Variants in SPCS2 observed in about 807,000 individuals in gnomAD.
SPCS2 encodes signal peptidase complex subunit 2, also known as SPase 25 kDa subunit.
SPCS2 carries 3 observed loss-of-function variants against 22.3 expected under a neutral mutation model. The ratio of observed to expected loss-of-function variants is 0.13; its 90% CI spans 0.06 to 0.35. The LOEUF (loss-of-function observed/expected upper bound fraction) is 0.35, where lower values mean the gene tolerates loss of function less well. Among genes scored for constraint, SPCS2 ranks in the 10% least tolerant of loss-of-function variants. The probability of loss-of-function intolerance (pLI) is 1.00; values close to 1 mark genes in which losing one functional copy is unlikely to be tolerated. For synonymous variants in SPCS2, 67 were observed against 97.2 expected, an observed-to-expected ratio of 0.69 and a Z score of 1.83; for missense variants, 169 against 280.9, an observed-to-expected ratio of 0.60 and a Z score of 2.85.
chr11:74,949,290 C>G lies in SPCS2; in HGVS notation c.5C>G (p.Ala2Gly), dbSNP rs754474538. The G allele has an allele frequency of 6.5e-7, 1 of 1,537,266 alleles. No individual in the cohort carries two copies. Among genetic ancestry groups the G allele is most frequent in the Non-Finnish European group, 8.8e-7 (1 of 1,141,346 alleles). ...GGAGACGCAGAGGCGGACAAGATGG[C>G]GGCGGCAGCTGTACAGGGCGGGAGA... M[A>G]AAAVQGGRSG... is the part of the protein sequence containing the mutation. The change falls in exon 1 of 5, where the codon GCG becomes GGG. Residue 2 changes from alanine to glycine, a missense_variant. Physicochemically the swap from Ala to Gly is moderately conservative, Grantham distance 60. Coordinates refer to ENST00000263672, the MANE Select transcript of SPCS2 (RefSeq NM_014752.3).
chr11:74,971,294 G>A (rs988696146), intron 4 of SPCS2, among the ~76,000 whole-genome samples: 5 of 152,116 alleles, frequency 3.3e-5, no homozygotes, highest in South Asian at 2.1e-4. Context: ...TGGCTATTAT[G>A]AATAATGTTG....
At chr11:74,965,445 A>G (rs889851356) in intron 2 of SPCS2, among the ~76,000 whole-genome samples, 1 of 152,202 alleles carries the variant, frequency 6.6e-6, no homozygotes, top group Non-Finnish European at 1.5e-5. Flanking sequence ...TTTTGAGATT[A>G]ATTAGCCTAG....
intron 1 of SPCS2, among the ~76,000 whole-genome samples, chr11:74,964,484 A>T (rs1660187687): frequency 6.6e-6 from 1 of 152,214 alleles, no homozygotes; most frequent in South Asian, 2.1e-4. Flanking sequence ...TAAAGTTAAG[A>T]CATGCTGGTA....
At chr11:74,964,807 C>T (rs1948533935) in intron 1 of SPCS2, among the ~76,000 whole-genome samples, 1 of 152,184 alleles carries the variant, frequency 6.6e-6, no homozygotes, top group Admixed American at 6.5e-5. Flanking sequence ...CTCTTTCAAC[C>T]TGATTTTTAA....
intron 4 of SPCS2, among the ~76,000 whole-genome samples, chr11:74,971,946 A>T (rs2140220856): frequency 6.6e-6 from 1 of 152,306 alleles, no homozygotes; most frequent in Non-Finnish European, 1.5e-5. Context: ...ACCTTTAAAC[A>T]TATTCTTCTC....
At chr11:74,955,099 G>A (rs1948469379) in intron 1 of SPCS2, among the ~76,000 whole-genome samples, 1 of 152,202 alleles carries the variant, frequency 6.6e-6, no homozygotes, top group Non-Finnish European at 1.5e-5. Context: ...AGAATATGGA[G>A]AAATCAGAAT....
chr11:74,967,070 G>A (rs976109966), intron 3 of SPCS2, among the ~76,000 whole-genome samples: 2 of 152,194 alleles, frequency 1.3e-5, no homozygotes, highest in Non-Finnish European at 2.9e-5. Context: ...AAAACTTCAT[G>A]TTGGGGATTT....
rs1027346841 is a variant in SPCS2, at chr11:74,978,587, A to T, written c.*1544A>T. On this transcript the variant is annotated 3_prime_UTR_variant, in exon 5 of 5. Transcript: ENST00000263672. ...TTATATAAAATGGTATAGCATTTGCATATAACCTACACACATCCTCCCATA... is the reference window on the plus strand; with the variant it reads ...TTATATAAAATGGTATAGCATTTGCTTATAACCTACACACATCCTCCCATA... 1 of 152,254 alleles carries T rather than the reference A, an allele frequency of 6.6e-6. No individual in the cohort carries two copies. The highest frequency in any genetic ancestry group is 1.5e-5 in the Non-Finnish European group (1 of 68,058). 9.4% of individuals were successfully genotyped at this position (152,254 alleles called of 1,614,324 possible).
Position 74,978,026 on chromosome 11 carries a change from A to G in SPCS2, c.*983A>G, listed in dbSNP as rs1174182138. 6.6e-6 allele frequency: 1 copy of G among 152,222 alleles called. No individual in the cohort carries two copies. Among genetic ancestry groups the G allele is most frequent in the African/African-American group, 2.4e-5 (1 of 41,454 alleles). The allele number at this position is 152,222 out of a possible 1,614,324, so 9.4% of individuals were successfully genotyped here. Reference sequence around the variant, plus strand: ...TTACACATGAGGAAACTGAGATACAAAAGTTAAATAATTGTCACACAGCTA... The same window carrying G: ...TTACACATGAGGAAACTGAGATACAGAAGTTAAATAATTGTCACACAGCTA... On this transcript the variant is annotated 3_prime_UTR_variant, in exon 5 of 5. Transcript: ENST00000263672.
chr11:74,974,718 C>T (rs997470531), intron 4 of SPCS2, among the ~76,000 whole-genome samples: 4 of 152,090 alleles, frequency 2.6e-5, no homozygotes, highest in African/African-American at 9.7e-5. Flanking sequence ...GGGTTCACAC[C>T]ATTCTCCTGC....
chr11:74,968,070 A>G (rs913610130), intron 3 of SPCS2: 3 of 152,192 alleles, frequency 2.0e-5, no homozygotes, highest in Non-Finnish European at 4.4e-5. Flanking sequence ...ATTTGTTACA[A>G]TCATACTGAT....
At chr11:74,966,324 AT>A (rs1018475476) in intron 3 of SPCS2, among the ~76,000 whole-genome samples, 4 of 152,200 alleles carry the variant, frequency 2.6e-5, no homozygotes. Context: ...TCAGATCTGT[AT>A]TAAGTTTACT....
chr11:74,960,288 C>T (rs1018052174), intron 1 of SPCS2, among the ~76,000 whole-genome samples: 2 of 152,322 alleles, frequency 1.3e-5, no homozygotes, highest in African/African-American at 4.8e-5. Context: ...GCTGAGATCG[C>T]GCCACTGCGC....
intron 1 of SPCS2, among the ~76,000 whole-genome samples, chr11:74,963,333 A>G (rs552356986): frequency 9.9e-5 from 15 of 151,414 alleles, no homozygotes; most frequent in East Asian, 5.8e-4. Flanking sequence ...ACCAAGGGGG[A>G]AAAAAAACTT....
chr11:74,976,776 C>T lies in SPCS2; in HGVS notation c.495-81C>T, dbSNP rs375103150. 8.4e-5 allele frequency: 132 copies of T among 1,563,100 alleles called. No individual in the cohort carries two copies. The East Asian group carries it at 2.2e-3, about 26-fold the overall frequency. ...CCGTGCCCAGCTTACTCCTTTTCTT[C>T]GGAAACACTTGGTGCCGTATTGTTA... is the stretch of plus-strand genomic sequence containing the variant. On this transcript the variant is annotated intron_variant, in intron 4 of 4. Transcript: ENST00000263672.
intron 4 of SPCS2, among the ~76,000 whole-genome samples, chr11:74,972,197 C>A (rs2028344): frequency 0.4 from 61,103 of 151,520 alleles, 13,089 homozygotes; most frequent in Middle Eastern, 0.5. Context: ...TCCTGAGTAG[C>A]TGGGATTACG....
At chr11:74,961,649 T>C (rs924328400) in intron 1 of SPCS2, among the ~76,000 whole-genome samples, 5 of 152,140 alleles carry the variant, frequency 3.3e-5, no homozygotes, top group African/African-American at 1.2e-4. Context: ...TCAAGTGATC[T>C]CTTGCCTCAG....
At chr11:74,958,224 A>G (rs75126949) in intron 1 of SPCS2, among the ~76,000 whole-genome samples, 7,180 of 152,290 alleles carry the variant, frequency 0.047, 245 homozygotes, top group Middle Eastern at 0.12. Context: ...GTGTGCTCAT[A>G]ATTTAATTAA....
At chr11:74,968,186 T>C (rs1948558236) in intron 3 of SPCS2, 1 of 152,230 alleles carries the variant, frequency 6.6e-6, no homozygotes, top group African/African-American at 2.4e-5. Context: ...ATTTTTTAAC[T>C]CTTCTTTAAT....
Sources: gnomAD v4.1 joint callset for allele counts (sites outside exome capture counted in the v4.1 genomes callset) on GRCh38, gnomAD v4.1.1 for gene constraint, MANE v1.5 for transcripts, NCBI Gene and HGNC (gene_info 2026-07-23, HGNC 2026-07-21) for gene names.